Variants in EPYC observed in about 807,000 individuals in gnomAD.
EPYC encodes epiphycan, also known as dermatan sulfate proteoglycan 3.
A neutral mutation model predicts 30.1 loss-of-function variants in EPYC; 28 were observed. The observed-to-expected ratio is 0.93, with a 90% CI of 0.69 to 1.28. EPYC has a LOEUF of 1.28. EPYC is among the 50% of genes most tolerant of loss of function. The pLI is 0.00. For missense variants in EPYC, 382 were observed against 383.5 expected, an observed-to-expected ratio of 1.00 and a Z score of 0.03; for synonymous variants, 144 against 141.4, an observed-to-expected ratio of 1.02 and a Z score of -0.13.
At chr12:90,993,380 G>A (rs559350958) in intron 2 of EPYC, among the ~76,000 whole-genome samples, 163 of 152,096 alleles carry the variant, frequency 1.1e-3, no homozygotes, top group African/African-American at 3.7e-3. Flanking sequence ...AATTTAGGGG[G>A]TACACCTCGC....
At chr12:91,000,157 C>G (rs1298628770) in intron 2 of EPYC, among the ~76,000 whole-genome samples, 1 of 152,040 alleles carries the variant, frequency 6.6e-6, no homozygotes, top group Non-Finnish European at 1.5e-5. Context: ...ATATTTCAGT[C>G]AACCACAAGG....
chr12:90,972,618 A>G (rs2120808134), intron 4 of EPYC: 1 of 467,278 alleles, frequency 2.1e-6, no homozygotes, highest in Non-Finnish European at 3.8e-6. Flanking sequence ...CATCACCTAT[A>G]TGGTTTTGAA....
intron 2 of EPYC, among the ~76,000 whole-genome samples, chr12:90,983,689 G>C (rs1238669945): frequency 6.6e-6 from 1 of 151,998 alleles, no homozygotes; most frequent in Non-Finnish European, 1.5e-5. Flanking sequence ...CCTGACCCTT[G>C]ACTCCTGGGT....
intron 2 of EPYC, among the ~76,000 whole-genome samples, chr12:90,978,843 T>C (rs1228518542): frequency 6.6e-6 from 1 of 152,136 alleles, no homozygotes; most frequent in Non-Finnish European, 1.5e-5. Flanking sequence ...AAATAAAATA[T>C]ATAGTGACAT....
At chr12:90,985,505 C>A (rs1025171063) in intron 2 of EPYC, among the ~76,000 whole-genome samples, 3 of 152,066 alleles carry the variant, frequency 2.0e-5, no homozygotes, top group African/African-American at 7.2e-5. Flanking sequence ...GAGGAACAGG[C>A]TGAAAAGGAA....
rs1876832174 is a variant in EPYC, at chr12:90,964,169, C to G, written c.956G>C (p.Gly319Ala). The G allele has an allele frequency of 6.2e-7, 1 of 1,611,254 alleles. No homozygotes were observed. The highest frequency in any genetic ancestry group is 8.5e-7 in the Non-Finnish European group (1 of 1,178,282). The change falls in exon 7 of 7, where the codon GGG (glycine) becomes GCG (alanine). Residue 319 changes from glycine (G) to alanine (A), a missense_variant. By Grantham distance (60) the Gly-to-Ala change is moderately conservative. Transcript: ENST00000261172. ...CATTATCTGAAATTAGACAAGGCTCCCAACAGGCAGACGAGGTAGACACAT... is the reference window on the plus strand; with the variant it reads ...CATTATCTGAAATTAGACAAGGCTCGCAACAGGCAGACGAGGTAGACACAT... ...AYMCLPRLPV[G>A]SLV is the part of the protein sequence containing the mutation.
intron 1 of EPYC, among the ~76,000 whole-genome samples, chr12:91,003,829 G>A (rs1394987119): frequency 6.6e-6 from 1 of 152,046 alleles, no homozygotes; most frequent in African/African-American, 2.4e-5. Flanking sequence ...TGAATGCACT[G>A]GCAGACAAAA....
intron 2 of EPYC, among the ~76,000 whole-genome samples, chr12:90,988,843 C>T (rs1877513948): frequency 6.6e-6 from 1 of 151,974 alleles, no homozygotes; most frequent in African/African-American, 2.4e-5. Context: ...AGGACTTCAC[C>T]GTTTTCAGCT....
intron 2 of EPYC, among the ~76,000 whole-genome samples, chr12:91,000,172 G>GT (rs1396449153): frequency 1.3e-5 from 2 of 152,068 alleles, no homozygotes; most frequent in Non-Finnish European, 2.9e-5. Context: ...ACAAGGGATT[G>GT]TTAGTGGCTC....
At chr12:90,981,503 A>C (rs1877324341) in intron 2 of EPYC, among the ~76,000 whole-genome samples, 2 of 152,180 alleles carry the variant, frequency 1.3e-5, no homozygotes, top group African/African-American at 4.8e-5. Flanking sequence ...TCCACAGAAA[A>C]TTATCTCTGT....
intron 2 of EPYC, among the ~76,000 whole-genome samples, chr12:90,999,531 G>A (rs375066647): frequency 9.2e-5 from 14 of 152,072 alleles, no homozygotes; most frequent in African/African-American, 2.6e-4. Flanking sequence ...TTTTCCATGT[G>A]CTTTACTTAC....
chr12:91,001,682 T>C (rs894813037), intron 2 of EPYC, among the ~76,000 whole-genome samples: 1 of 152,150 alleles, frequency 6.6e-6, no homozygotes, highest in Non-Finnish European at 1.5e-5. Context: ...CAAACTATTG[T>C]TCTTTCTCTC....
intron 2 of EPYC, among the ~76,000 whole-genome samples, chr12:90,992,548 C>T (rs1459577334): frequency 2.0e-5 from 3 of 152,084 alleles, no homozygotes; most frequent in Non-Finnish European, 4.4e-5. Flanking sequence ...GCATCAATTG[C>T]CAGAAAGATA....
chr12:90,964,028 G>A lies in EPYC; in HGVS notation c.*128C>T, dbSNP rs1876827899. The A allele has an allele frequency of 4.7e-6, 3 of 632,116 alleles. No individual in the cohort carries two copies. Among genetic ancestry groups the A allele is most frequent in the South Asian group, 3.8e-5 (1 of 26,622 alleles). 39.2% of individuals were successfully genotyped at this position (632,116 alleles called of 1,614,324 possible). On this transcript the variant is annotated 3_prime_UTR_variant, in exon 7 of 7. Coordinates refer to ENST00000261172, the MANE Select transcript of EPYC (RefSeq NM_004950.5). ...CATTTTCATTATAACATTTTTAATT[G>A]TATTTTATGTAGTCATATCATCTCT...
chr12:90,972,782 T>C (rs377287806), intron 4 of EPYC, 40 bp downstream of exon 4: 6 of 1,510,002 alleles, frequency 4.0e-6, no homozygotes, highest in Non-Finnish European at 5.4e-6. Context: ...TTAAAGGAAG[T>C]GTGTAAAGCG....
chr12:90,967,459 C>T (rs1876927114), intron 6 of EPYC, among the ~76,000 whole-genome samples: 1 of 152,088 alleles, frequency 6.6e-6, no homozygotes, highest in South Asian at 2.1e-4. Flanking sequence ...AATCAGAAAA[C>T]ATACTTTGTA....
chr12:91,001,057 C>A lies in EPYC; in HGVS notation c.165+1344G>T, dbSNP rs898496347. On this transcript the variant is annotated intron_variant, in intron 2 of 6. Transcript: ENST00000261172. The stretch of plus-strand genomic sequence containing the variant: ...ATCAAATGTGCAGAAGAAAAATAAT[C>A]TGCTGTAGAGCCTAAACTTTACTAA... Among the ~76,000 whole-genome samples the A allele has an allele frequency of 2.6e-5, 4 of 151,834 alleles. No homozygotes were observed. The South Asian group carries it at 6.2e-4, about 24-fold the overall frequency.
chr12:90,990,081 G>A (rs1469535123), intron 2 of EPYC, among the ~76,000 whole-genome samples: 3 of 151,952 alleles, frequency 2.0e-5, no homozygotes, highest in Admixed American at 6.6e-5. Flanking sequence ...GGAGGGGAGC[G>A]AGTCAGTCAC....
At chr12:90,968,398 G>A (rs1473064213) in intron 6 of EPYC, among the ~76,000 whole-genome samples, 1 of 152,116 alleles carries the variant, frequency 6.6e-6, no homozygotes, top group Non-Finnish European at 1.5e-5. Context: ...ATAGTTTTGG[G>A]TCTAGAATTT....
Sources: allele counts gnomAD v4.1 joint callset (sites outside exome capture counted in the v4.1 genomes callset), GRCh38; gene constraint gnomAD v4.1.1; transcripts MANE v1.5; gene names NCBI Gene and HGNC (gene_info 2026-07-23, HGNC 2026-07-21).